PUDP: variants seen among roughly 807,000 people sequenced by gnomAD.
PUDP encodes the protein pseudouridine-5'-phosphatase.
Under a neutral mutation model 9.4 loss-of-function variants are expected in PUDP, and 8 were observed. That is an observed-to-expected ratio of 0.85 (90% CI 0.50 to 1.53). The LOEUF is 1.53. Ranked by LOEUF, PUDP falls within the 40% of genes most tolerant of loss-of-function variation. PUDP has a pLI of 0.00. For synonymous variants in PUDP, 99 were observed against 80.7 expected (o/e 1.23, Z -1.22); for missense variants, 188 against 189.7 (o/e 0.99, Z 0.05).
intron 3 of PUDP, among the ~76,000 whole-genome samples, chrX:6,889,266 T>C (rs140013151): frequency 1.3e-3 from 144 of 111,891 alleles, no homozygotes; most frequent in African/African-American, 4.5e-3. Flanking sequence ...TGCATATTTG[T>C]GATGTTTTCT....
chrX:7,083,192 G>C (rs890307307), intron 2 of PUDP, among the ~76,000 whole-genome samples: 1 of 112,010 alleles, frequency 8.9e-6, no homozygotes, highest in African/African-American at 3.2e-5. Flanking sequence ...TGAGTTTTCA[G>C]TATCTTGTGG....
chrX:7,147,823 G>T lies in PUDP; in HGVS notation c.61+230C>A, dbSNP rs1932903898. 3 of 130,967 alleles carry T rather than the reference G, an allele frequency of 2.3e-5. No individual in the cohort carries two copies. In the Admixed American group the frequency reaches 2.7e-4, roughly 12 times the overall value. The allele number at this position is 130,967 out of a possible 1,213,427, so 10.8% of individuals were successfully genotyped here. A position where few individuals can be genotyped will look rare whatever the true frequency, so the allele number is the denominator to read the frequency against. On this transcript the variant is annotated intron_variant, in intron 1 of 3. Transcript: ENST00000381077. The stretch of plus-strand genomic sequence containing the variant: ...CCGACCGGAAGCGGGTGCTGGGGCC[G>T]CGTAGACGCCGCGGCCACGCGCGCC...
intron 1 of PUDP, among the ~76,000 whole-genome samples, chrX:6,718,013 C>T (rs1477284379): frequency 9.0e-6 from 1 of 111,133 alleles, no homozygotes; most frequent in East Asian, 2.8e-4. Context: ...TTTTGACAAA[C>T]GTCTTTTCAT....
chrX:6,857,749 T>C (rs1926928879), intron 3 of PUDP, among the ~76,000 whole-genome samples: 1 of 111,810 alleles, frequency 8.9e-6, no homozygotes, highest in Admixed American at 9.5e-5. Flanking sequence ...TGGTGGGGAT[T>C]TAAAAATGAG....
At chrX:6,947,109 G>A (rs1298673431) in intron 3 of PUDP, among the ~76,000 whole-genome samples, 2 of 108,159 alleles carry the variant, frequency 1.8e-5, no homozygotes, top group African/African-American at 6.7e-5. Flanking sequence ...CGAGTGATTC[G>A]CCTGCCTCAG....
At chrX:6,750,081 T>C (rs768678041) in intron 3 of PUDP, among the ~76,000 whole-genome samples, 1 of 112,085 alleles carries the variant, frequency 8.9e-6, no homozygotes, top group Non-Finnish European at 1.9e-5. Flanking sequence ...CGTTGAACGT[T>C]TGCTGTGCAG....
intron 2 of PUDP, 139 bp from the exon 3 acceptor site, chrX:7,077,588 T>C (rs1350410066): frequency 3.8e-5 from 18 of 472,542 alleles, no homozygotes; most frequent in South Asian, 3.1e-4. Context: ...TAGGACAGAT[T>C]GTCTAAAAGC....
intron 1 of PUDP, among the ~76,000 whole-genome samples, chrX:6,708,701 C>A (rs1449666911): frequency 8.9e-6 from 1 of 111,802 alleles, no homozygotes. Flanking sequence ...CCATTTATTG[C>A]CAGGATCTCC....
intron 3 of PUDP, among the ~76,000 whole-genome samples, chrX:6,815,294 T>C (rs1315775756): frequency 9.0e-6 from 1 of 110,654 alleles, no homozygotes; most frequent in Admixed American, 9.7e-5. Flanking sequence ...CTTCTCCCAG[T>C]CCACTTTGCT....
intron 3 of PUDP, among the ~76,000 whole-genome samples, chrX:6,958,760 A>C (rs1928665817): frequency 9.1e-6 from 1 of 109,518 alleles, no homozygotes; most frequent in African/African-American, 3.3e-5. Flanking sequence ...AAAAAAAAAA[A>C]AAAAAAGAGA....
chrX:7,077,277 G>A lies in PUDP; in HGVS notation c.453C>T (p.Asp151=). ...DDPEVQHGKP[D]PDIFLACAKR... ...TGGCACAAGCTAGGAAGATGTCCGG[G>A]TCTGGCTTGCCATGCTGCACTTCGG... The change falls in exon 3 of 4, where the codon GAC becomes GAT. Residue 151 remains aspartate (D), a synonymous_variant. Coordinates refer to ENST00000381077, the MANE Select transcript of PUDP (RefSeq NM_012080.5). The A allele has an allele frequency of 2.5e-6, 3 of 1,206,677 alleles. No homozygotes were observed. The highest frequency in any genetic ancestry group is 3.4e-6 in the Non-Finnish European group (3 of 892,944).
intron 3 of PUDP, among the ~76,000 whole-genome samples, chrX:6,920,303 C>G (rs974977115): frequency 1.8e-4 from 20 of 111,128 alleles, no homozygotes; most frequent in African/African-American, 5.9e-4. Flanking sequence ...AGGTTCTAGT[C>G]CCATTGTACA....
At chrX:6,804,542 G>C (rs1165822469) in intron 3 of PUDP, among the ~76,000 whole-genome samples, 15 of 112,020 alleles carry the variant, frequency 1.3e-4, no homozygotes, top group Non-Finnish European at 2.6e-4. Context: ...AAGTACTGGA[G>C]ATCCTCAAGG....
intron 1 of PUDP, among the ~76,000 whole-genome samples, chrX:6,995,304 G>C (rs1426696531): frequency 8.9e-6 from 1 of 111,823 alleles, no homozygotes; most frequent in East Asian, 2.8e-4. Context: ...ACCTAGGTAT[G>C]ACAAGTACAT....
chrX:7,013,770 C>G (rs958125400), intron 1 of PUDP, among the ~76,000 whole-genome samples: 26 of 111,731 alleles, frequency 2.3e-4, no homozygotes, highest in African/African-American at 8.2e-4. Flanking sequence ...GCAGTAGTGT[C>G]TGGGGAGGGG....
intron 1 of PUDP, among the ~76,000 whole-genome samples, chrX:7,016,817 GCAAAGAC>G (rs1929556046): frequency 9.0e-6 from 1 of 110,995 alleles, no homozygotes; most frequent in South Asian, 3.9e-4. Context: ...TCTCATGCAA[GCAAAGAC>G]GTGGTGTTTG....
chrX:6,838,810 CTCTGGACTTCAGTATTTCTTTGCTAG>C (rs778596178), intron 3 of PUDP, among the ~76,000 whole-genome samples: 7 of 112,038 alleles, frequency 6.2e-5, no homozygotes, highest in Non-Finnish European at 1.1e-4. Context: ...CTTCTACCTT[CTCTGGACTTCAGTATTTCTTTGCTAG>C]TAGAATAAAG....
intron 3 of PUDP, among the ~76,000 whole-genome samples, chrX:6,880,349 T>A (rs1381517224): frequency 9.0e-6 from 1 of 111,057 alleles, no homozygotes; most frequent in East Asian, 2.8e-4. Flanking sequence ...TGAGAACATA[T>A]GATGTTTGGT....
intron 1 of PUDP, among the ~76,000 whole-genome samples, chrX:7,003,829 G>C (rs1014652939): frequency 3.6e-5 from 4 of 111,415 alleles, no homozygotes; most frequent in Admixed American, 2.9e-4. Context: ...CCTCCAGATG[G>C]GCAAATTACT....
Sources: gnomAD v4.1 joint callset for allele counts (sites outside exome capture counted in the v4.1 genomes callset) on GRCh38, gnomAD v4.1.1 for gene constraint, MANE v1.5 for transcripts, NCBI Gene and HGNC (gene_info 2026-07-23, HGNC 2026-07-21) for gene names.